Variants in TRDMT1 observed in about 807,000 individuals in gnomAD.
TRDMT1 encodes the protein tRNA (cytosine(38)-C(5))-methyltransferase.
A neutral mutation model predicts 51.2 loss-of-function variants in TRDMT1; 49 were observed. That is an observed-to-expected ratio of 0.96 (90% CI 0.76 to 1.21). The LOEUF (loss-of-function observed/expected upper bound fraction) is 1.21. TRDMT1 is among the 50% of genes most tolerant of loss of function. The probability of loss-of-function intolerance (pLI) is 0.00; values close to 1 mark genes in which losing one functional copy is unlikely to be tolerated. For synonymous variants in TRDMT1, 187 were observed against 164.6 expected (o/e 1.14, Z -1.04); for missense variants, 534 against 462.3 (o/e 1.16, Z -1.42).
At chr10:17,176,978 G>C (rs7075729) in intron 1 of TRDMT1, among the ~76,000 whole-genome samples, 3,271 of 152,106 alleles carry the variant, frequency 0.022, 120 homozygotes, top group African/African-American at 0.074. Flanking sequence ...TTCTCAAAAA[G>C]GAGGCAGAAT....
intron 1 of TRDMT1, among the ~76,000 whole-genome samples, chr10:17,181,062 C>CCAAA (rs1434699879): frequency 6.6e-6 from 1 of 151,952 alleles, no homozygotes; most frequent in Non-Finnish European, 1.5e-5. Context: ...TCTTCAATAA[C>CCAAA]CAAACATCAA....
At chr10:17,169,390 A>G in intron 2 of TRDMT1, 3 of 1,277,060 alleles carry the variant, frequency 2.3e-6, no homozygotes, top group Non-Finnish European at 3.1e-6. Flanking sequence ...TTAATATATT[A>G]TCAAATGGAA....
intron 1 of TRDMT1, among the ~76,000 whole-genome samples, chr10:17,188,765 T>C (rs983469568): frequency 2.6e-5 from 4 of 152,284 alleles, no homozygotes; most frequent in African/African-American, 4.8e-5. Flanking sequence ...CCTTTTTGAG[T>C]TCGTGTATAA....
rs936146321 is a variant in TRDMT1 at position 17,145,584 on chromosome 10, A to T, written c.*3456T>A. On this transcript the variant is annotated 3_prime_UTR_variant, in exon 11 of 11. Transcript: ENST00000377799. ...ATAACTGGTGGCCTAAAACAGTTAGAATCCCAAGCCGAAGGCCAAATTATG... is the reference window on the plus strand; with the variant it reads ...ATAACTGGTGGCCTAAAACAGTTAGTATCCCAAGCCGAAGGCCAAATTATG... The T allele has an allele frequency of 3.7e-5, 36 of 985,362 alleles. No individual in the cohort carries two copies. The highest frequency in any genetic ancestry group is 3.9e-5 in the Non-Finnish European group (32 of 829,950). 61.0% of individuals were successfully genotyped at this position (985,362 alleles called of 1,614,324 possible). A position where few individuals can be genotyped will look rare whatever the true frequency, so the allele number is the denominator to read the frequency against.
In TRDMT1 at chr10:17,148,203, C is replaced by T. The variant is rs1178727130; in HGVS notation, c.*837G>A. ...GAGTGTATGTTGCTACAATAAAGAA[C>T]AACTGGGGGGAGGGGAGTACTGTCA... On this transcript the variant is annotated 3_prime_UTR_variant, in exon 11 of 11. Coordinates refer to ENST00000377799, the MANE Select transcript of TRDMT1 (RefSeq NM_004412.7). The T allele has an allele frequency of 2.0e-6, 2 of 985,188 alleles. No homozygotes were observed. The highest frequency in any genetic ancestry group is 1.2e-6 in the Non-Finnish European group (1 of 829,908). 61.0% of individuals were successfully genotyped at this position (985,188 alleles called of 1,614,324 possible).
chr10:17,170,495 T>C lies in TRDMT1; in HGVS notation c.175-1578A>G, dbSNP rs189725575. Reference sequence around the variant, plus strand: ...CTAACACTGTTCATCCTGTATTGACTGGCAGGTGTATTTGTCCCTCTGCCT... The same window carrying C: ...CTAACACTGTTCATCCTGTATTGACCGGCAGGTGTATTTGTCCCTCTGCCT... On this transcript the variant is annotated intron_variant, in intron 2 of 10. Coordinates refer to ENST00000377799, the MANE Select transcript of TRDMT1 (RefSeq NM_004412.7). 9.2e-5 allele frequency among the ~76,000 whole-genome samples: 14 copies of C among 152,374 alleles called. 1 individual carries two copies. The highest frequency in any genetic ancestry group is 7.2e-4 in the Admixed American group (11 of 15,304).
chr10:17,178,610 C>A (rs10904895), intron 1 of TRDMT1, among the ~76,000 whole-genome samples: 4 of 146,876 alleles, frequency 2.7e-5, no homozygotes, highest in African/African-American at 1.0e-4. Flanking sequence ...CTGGAGGCAG[C>A]GGGTACAGTG....
At chr10:17,195,644 G>T (rs958480676) in intron 1 of TRDMT1, among the ~76,000 whole-genome samples, 6 of 151,826 alleles carry the variant, frequency 4.0e-5, no homozygotes, top group Non-Finnish European at 7.4e-5. Flanking sequence ...AAAATACTTT[G>T]CAGTGAAGTA....
Position 17,153,519 on chromosome 10 carries a change from G to T in TRDMT1, c.1063C>A (p.Pro355Thr). 1 of 1,614,024 alleles carries T rather than the reference G, an allele frequency of 6.2e-7. No individual in the cohort carries two copies. Among genetic ancestry groups the T allele is most frequent in the Non-Finnish European group, 8.5e-7 (1 of 1,179,964 alleles). Residue 355 changes from proline (P) to threonine (T), a missense_variant, in exon 10 of 11, where the codon CCT becomes ACT. Transcript: ENST00000377799. Reference protein sequence around the residue: ...PKEIANLLGFPPEFGFPEKIT... With the variant: ...PKEIANLLGFTPEFGFPEKIT... ...GTATCCCACATACCGAACTCTGGAG[G>T]AAATCCAAGGAGATTTGCTATTTCT...
At position 17,146,326 on chromosome 10, in the gene TRDMT1, G is replaced by A; in HGVS notation, c.*2714C>T. The A allele has an allele frequency of 1.0e-6, 1 of 985,422 alleles. No individual in the cohort carries two copies. The highest frequency in any genetic ancestry group is 1.2e-6 in the Non-Finnish European group (1 of 829,940). 61.0% of individuals were successfully genotyped at this position (985,422 alleles called of 1,614,324 possible). On this transcript the variant is annotated 3_prime_UTR_variant, in exon 11 of 11. Coordinates refer to ENST00000377799, the MANE Select transcript of TRDMT1 (RefSeq NM_004412.7). Reference sequence around the variant, plus strand: ...TTCCAGACATAGGGCAGTGCCCATGGTGAAGGTCTGATTTCACAGACAGAA... The same window carrying A: ...TTCCAGACATAGGGCAGTGCCCATGATGAAGGTCTGATTTCACAGACAGAA...
chr10:17,201,591 C>G lies in TRDMT1; in HGVS notation c.44G>C (p.Gly15Ala). ...CTCACCTCTCAGCGCGTGGTGCATG[C>G]CGCCCACGCCGCTGTATAGCTCCAG... is the stretch of plus-strand genomic sequence containing the variant. ...RVLELYSGVG[G>A]MHHALRESCI... The change falls in exon 1 of 11, where the codon GGC becomes GCC. Residue 15 changes from glycine to alanine, a missense_variant. By Grantham distance (60) the Gly-to-Ala change is moderately conservative. Coordinates refer to ENST00000377799, the MANE Select transcript of TRDMT1 (RefSeq NM_004412.7). The G allele has an allele frequency of 6.5e-7, 1 of 1,549,012 alleles. No homozygotes were observed. The highest frequency in any genetic ancestry group is 8.7e-7 in the Non-Finnish European group (1 of 1,146,022).
intron 10 of TRDMT1, 38 bp downstream of exon 10, chr10:17,153,469 A>G: frequency 6.2e-7 from 1 of 1,607,656 alleles, no homozygotes; most frequent in Non-Finnish European, 8.5e-7. Flanking sequence ...TGAGAGTTTT[A>G]ATACATGAAA....
rs377171607 is a variant in TRDMT1 at position 17,148,844 on chromosome 10, T to A, written c.*196A>T. 4.4e-4 allele frequency: 520 copies of A among 1,185,840 alleles called. 4 individuals are homozygous for A. In the South Asian group the frequency reaches 0.011, roughly 25 times the overall value. 73.5% of individuals were successfully genotyped at this position (1,185,840 alleles called of 1,614,324 possible). ...TACTCTCCATAAAGCATAACAATAG[T>A]TCGTATTTTATAAAATACAGTAATA... On this transcript the variant is annotated 3_prime_UTR_variant, in exon 11 of 11. Transcript: ENST00000377799.
intron 1 of TRDMT1, among the ~76,000 whole-genome samples, chr10:17,198,337 T>C (rs1845721206): frequency 1.3e-5 from 2 of 152,184 alleles, no homozygotes; most frequent in Non-Finnish European, 2.9e-5. Context: ...ACTCAAACAA[T>C]ACTTATATAC....
At chr10:17,164,906 G>T (rs1840957506) in intron 3 of TRDMT1, among the ~76,000 whole-genome samples, 1 of 152,174 alleles carries the variant, frequency 6.6e-6, no homozygotes, top group South Asian at 2.1e-4. Flanking sequence ...CATGCTCAGG[G>T]ATAGGAAGAA....
chr10:17,154,791 T>C, intron 8 of TRDMT1, 57 bp from the exon 9 acceptor site: 1 of 1,443,524 alleles, frequency 6.9e-7, no homozygotes, highest in Non-Finnish European at 9.5e-7. Flanking sequence ...ATGCTAAATT[T>C]CTTAAATATT....
chr10:17,195,675 A>G (rs772793047), intron 1 of TRDMT1, among the ~76,000 whole-genome samples: 5 of 152,210 alleles, frequency 3.3e-5, no homozygotes, highest in Non-Finnish European at 5.9e-5. Context: ...ATTCCTCACA[A>G]GAAAAGATAA....
At position 17,141,097 on chromosome 10, in the gene TRDMT1, T is replaced by C. The variant is rs1231380600; in HGVS notation, c.*7943A>G. ...GGTCCTCATGGTTTTGGATGAGACA[T>C]CTACTGTCATCCAAATTGTGTCCCC... On this transcript the variant is annotated 3_prime_UTR_variant, in exon 11 of 11. Transcript: ENST00000377799. 6.6e-6 allele frequency among the ~76,000 whole-genome samples: 1 copy of C among 152,250 alleles called. No homozygotes were observed. Among genetic ancestry groups the C allele is most frequent in the Non-Finnish European group, 1.5e-5 (1 of 68,044 alleles).
rs1410823802 is a variant in TRDMT1 at position 17,146,313 on chromosome 10, G to A, written c.*2727C>T. ...TATTTTCTCATCTTTCCAGACATAG[G>A]GCAGTGCCCATGGTGAAGGTCTGAT... On this transcript the variant is annotated 3_prime_UTR_variant, in exon 11 of 11. Coordinates refer to ENST00000377799, the MANE Select transcript of TRDMT1 (RefSeq NM_004412.7). 4.1e-6 allele frequency: 4 copies of A among 985,214 alleles called. No individual in the cohort carries two copies. The highest frequency in any genetic ancestry group is 1.7e-5 in the African/African-American group (1 of 57,200). The allele number at this position is 985,214 out of a possible 1,614,324, so 61.0% of individuals were successfully genotyped here. A position where few individuals can be genotyped will look rare whatever the true frequency, so the allele number is the denominator to read the frequency against.
Sources: gnomAD v4.1 joint callset for allele counts (sites outside exome capture counted in the v4.1 genomes callset) on GRCh38, gnomAD v4.1.1 for gene constraint, MANE v1.5 for transcripts, NCBI Gene and HGNC (gene_info 2026-07-23, HGNC 2026-07-21) for gene names.